Variants in DENND5A observed in about 807,000 individuals in gnomAD.
DENND5A encodes the protein DENN domain containing 5A.
Under a neutral mutation model 140.3 loss-of-function variants are expected in DENND5A, and 64 were observed. That is an observed-to-expected ratio of 0.46 (90% CI 0.37 to 0.56). DENND5A has a LOEUF of 0.56. Among genes scored for constraint, DENND5A ranks in the 20% least tolerant of loss-of-function variants. DENND5A has a pLI of 0.00. For synonymous variants in DENND5A, 605 were observed against 607.7 expected (o/e 1.00, Z 0.07); for missense variants, 1,292 against 1,593.8 (o/e 0.81, Z 3.22).
At chr11:9,207,142 C>A (rs1241521729) in intron 2 of DENND5A, 3 of 427,362 alleles carry the variant, frequency 7.0e-6, no homozygotes, top group Non-Finnish European at 8.6e-6. Flanking sequence ...TGCTTAAAGT[C>A]AACTAAAAAC....
At position 9,179,041 on chromosome 11, in the gene DENND5A, C is replaced by T. The variant is rs764599874; in HGVS notation, c.1488G>A (p.Lys496=). The T allele has an allele frequency of 6.2e-7, 1 of 1,614,068 alleles. No individual in the cohort carries two copies. The highest frequency in any genetic ancestry group is 1.3e-5 in the African/African-American group (1 of 75,020). ...CTTCATCACACTGAACTTTGAGATCCTTATTGCTGCTGGGGTCTTCACGCA... is the reference window on the plus strand; with the variant it reads ...CTTCATCACACTGAACTTTGAGATCTTTATTGCTGCTGGGGTCTTCACGCA... ...LEVREDPSSN[K]DLKVQCDEEE... is the part of the protein sequence containing the mutation. Residue 496 remains lysine (K), a synonymous_variant, in exon 7 of 23, where the codon AAG becomes AAA. Coordinates refer to ENST00000328194, the MANE Select transcript of DENND5A (RefSeq NM_015213.4).
intron 12 of DENND5A, among the ~76,000 whole-genome samples, chr11:9,157,684 T>C (rs1405620108): frequency 3.9e-5 from 6 of 152,332 alleles, no homozygotes; most frequent in Non-Finnish European, 7.3e-5. Context: ...TATGGCTGTG[T>C]AGTGTTGTAT....
chr11:9,163,472 T>C (rs1455136723), intron 11 of DENND5A, among the ~76,000 whole-genome samples: 2 of 152,164 alleles, frequency 1.3e-5, no homozygotes, highest in African/African-American at 2.4e-5. Context: ...AATAGGAAGT[T>C]GTCACAGCCA....
At chr11:9,206,466 A>G (rs554103308) in intron 3 of DENND5A, among the ~76,000 whole-genome samples, 113 of 152,346 alleles carry the variant, frequency 7.4e-4, no homozygotes, top group Admixed American at 3.8e-3. Flanking sequence ...ACACAACAGA[A>G]ACACATTATA....
chr11:9,173,493 G>C (rs1305293242), intron 8 of DENND5A, among the ~76,000 whole-genome samples: 1 of 152,208 alleles, frequency 6.6e-6, no homozygotes, highest in African/African-American at 2.4e-5. Flanking sequence ...GCTAGGAAGA[G>C]AGAAATGGAA....
intron 4 of DENND5A, among the ~76,000 whole-genome samples, chr11:9,201,203 A>C (rs1170925819): frequency 2.7e-5 from 4 of 147,308 alleles, no homozygotes; most frequent in Non-Finnish European, 6.0e-5. Context: ...CTAGCTCTAC[A>C]AAAAAAAAAA....
chr11:9,230,155 C>T (rs1198579651), intron 1 of DENND5A, among the ~76,000 whole-genome samples: 1 of 150,644 alleles, frequency 6.6e-6, no homozygotes, highest in Non-Finnish European at 1.5e-5. Flanking sequence ...GTGATCCACC[C>T]GTGTCAGCCT....
intron 1 of DENND5A, among the ~76,000 whole-genome samples, chr11:9,251,270 G>A (rs893248776): frequency 6.6e-6 from 1 of 151,984 alleles, no homozygotes; most frequent in East Asian, 1.9e-4. Flanking sequence ...AAGCATTTTA[G>A]GCTAACCCAG....
chr11:9,142,490 C>G (rs746053984), intron 21 of DENND5A, among the ~76,000 whole-genome samples: 8 of 152,176 alleles, frequency 5.3e-5, no homozygotes, highest in Non-Finnish European at 1.2e-4. Flanking sequence ...TACTAAATAA[C>G]AGATGTCTAG....
chr11:9,243,091 A>AAAG (rs1851307645), intron 1 of DENND5A, among the ~76,000 whole-genome samples: 1 of 143,724 alleles, frequency 7.0e-6, no homozygotes. Flanking sequence ...CTGTCTCAAA[A>AAAG]AAAAAAAAAA....
At chr11:9,142,590 G>T (rs1847281696) in intron 21 of DENND5A, 132 bp downstream of exon 21, 2 of 1,191,400 alleles carry the variant, frequency 1.7e-6, no homozygotes, top group African/African-American at 1.5e-5. Flanking sequence ...AAAAACCAGA[G>T]CAAACAAATG....
intron 2 of DENND5A, chr11:9,207,238 G>A (rs7396439): frequency 0.6 from 291,091 of 481,652 alleles, 89,780 homozygotes; most frequent in African/African-American, 0.72. Context: ...ATGAAAAGAT[G>A]TAAGAACATT....
At chr11:9,245,978 T>G (rs570201075) in intron 1 of DENND5A, among the ~76,000 whole-genome samples, 2 of 152,280 alleles carry the variant, frequency 1.3e-5, no homozygotes, top group South Asian at 4.1e-4. Context: ...AAGCACCTAC[T>G]ACATAAAGTA....
intron 4 of DENND5A, among the ~76,000 whole-genome samples, chr11:9,195,183 C>T (rs1375059753): frequency 6.7e-6 from 1 of 149,352 alleles, no homozygotes; most frequent in African/African-American, 2.5e-5. Context: ...CGGGTTTAAG[C>T]GATTCTCCTG....
At chr11:9,148,202 G>T (rs1847495216) in intron 15 of DENND5A, among the ~76,000 whole-genome samples, 1 of 152,166 alleles carries the variant, frequency 6.6e-6, no homozygotes, top group African/African-American at 2.4e-5. Flanking sequence ...GAACAAGAGG[G>T]ACCTGAAGGG....
At chr11:9,233,594 CA>C (rs1165577319) in intron 1 of DENND5A, among the ~76,000 whole-genome samples, 1 of 151,724 alleles carries the variant, frequency 6.6e-6, no homozygotes, top group African/African-American at 2.4e-5. Context: ...TGAGTGTACC[CA>C]AAATACCATG....
intron 10 of DENND5A, among the ~76,000 whole-genome samples, chr11:9,168,430 G>A (rs1848261518): frequency 6.6e-6 from 1 of 152,130 alleles, no homozygotes. Context: ...GGAACTGTGA[G>A]TCCATTAAAT....
chr11:9,229,908 T>C (rs1049427567), intron 1 of DENND5A, among the ~76,000 whole-genome samples: 1 of 134,630 alleles, frequency 7.4e-6, no homozygotes, highest in South Asian at 2.6e-4. Flanking sequence ...TCTTTTTTTT[T>C]TTTTTTTTTT....
intron 1 of DENND5A, among the ~76,000 whole-genome samples, chr11:9,263,571 G>A (rs1295667494): frequency 4.0e-5 from 6 of 148,804 alleles, no homozygotes; most frequent in African/African-American, 1.2e-4. Flanking sequence ...GGCCGGGCGC[G>A]GTGGCTCACG....
Sources: allele counts gnomAD v4.1 joint callset (sites outside exome capture counted in the v4.1 genomes callset), GRCh38; gene constraint gnomAD v4.1.1; transcripts MANE v1.5; gene names NCBI Gene and HGNC (gene_info 2026-07-23, HGNC 2026-07-21).